The following NDST3 variants were observed in gnomAD, a reference collection of about 807,000 sequenced individuals.
The protein encoded by NDST3 is N-deacetylase and N-sulfotransferase 3, also known as bifunctional heparan sulfate N-deacetylase/N-sulfotransferase 3.
NDST3 carries 58 observed loss-of-function variants against 96.1 expected under a neutral mutation model. The observed-to-expected ratio is 0.60, with a 90% CI of 0.49 to 0.75. The LOEUF (loss-of-function observed/expected upper bound fraction) is 0.75, where lower values mean the gene tolerates loss of function less well. Ranked by LOEUF, NDST3 falls within the 30% of genes least tolerant of loss-of-function variation. The probability of loss-of-function intolerance (pLI) is 0.00; values close to 1 mark genes in which losing one functional copy is unlikely to be tolerated. For missense variants in NDST3, 788 were observed against 1,034.2 expected (o/e 0.76, Z 3.27); for synonymous variants, 333 against 359.7 (o/e 0.93, Z 0.84).
At chr4:118,126,202 T>C (rs1472726499) in intron 4 of NDST3, among the ~76,000 whole-genome samples, 2 of 152,040 alleles carry the variant, frequency 1.3e-5, no homozygotes, top group Non-Finnish European at 2.9e-5. Flanking sequence ...TATCAAATAG[T>C]ACATATTATT....
intron 2 of NDST3, among the ~76,000 whole-genome samples, chr4:118,068,548 AC>A (rs1726785678): frequency 6.6e-6 from 1 of 152,082 alleles, no homozygotes; most frequent in Admixed American, 6.6e-5. Context: ...AAGAAACATC[AC>A]TTTAAATGTT....
At chr4:118,071,264 A>G (rs1322138112) in intron 2 of NDST3, among the ~76,000 whole-genome samples, 5 of 151,986 alleles carry the variant, frequency 3.3e-5, no homozygotes, top group African/African-American at 7.2e-5. Flanking sequence ...ATATTTTCTT[A>G]TAACTTTTAT....
intron 6 of NDST3, among the ~76,000 whole-genome samples, chr4:118,193,232 C>T (rs541776421): frequency 6.6e-6 from 1 of 152,302 alleles, no homozygotes; most frequent in African/African-American, 2.4e-5. Flanking sequence ...AATGATTCCC[C>T]ACCTCAATCT....
At chr4:118,078,869 T>C (rs896647055) in intron 2 of NDST3, among the ~76,000 whole-genome samples, 4 of 152,170 alleles carry the variant, frequency 2.6e-5, no homozygotes, top group Non-Finnish European at 5.9e-5. Flanking sequence ...AGAATCACAC[T>C]TACTTCATAG....
chr4:118,096,778 T>G (rs998303076), intron 2 of NDST3, among the ~76,000 whole-genome samples: 3 of 151,862 alleles, frequency 2.0e-5, no homozygotes, highest in African/African-American at 7.2e-5. Context: ...TCTCAAGATA[T>G]GCAGGCAGCA....
chr4:118,102,390 C>G (rs756269654), intron 2 of NDST3, among the ~76,000 whole-genome samples: 3 of 152,034 alleles, frequency 2.0e-5, no homozygotes, highest in Non-Finnish European at 2.9e-5. Context: ...AGTACTCTAT[C>G]AGATGGGTTT....
chr4:118,044,690 A>T (rs1246489345), intron 1 of NDST3, among the ~76,000 whole-genome samples: 1 of 152,262 alleles, frequency 6.6e-6, no homozygotes, highest in Admixed American at 6.5e-5. Flanking sequence ...ATTTATAAAC[A>T]TTAACAATTT....
At position 118,230,391 on chromosome 4, in the gene NDST3, C is replaced by A. The variant is rs1391979284; in HGVS notation, c.1820-2621C>A. ...GAGATCGAGACCATCCTGGCTAACA[C>A]GGTGAAATCCCGTCTCCACTAAAAA... On this transcript the variant is annotated intron_variant, in intron 8 of 13. Transcript: ENST00000296499. Among the ~76,000 whole-genome samples the A allele has an allele frequency of 8.6e-5, 13 of 151,880 alleles. 1 individual carries two copies. Among genetic ancestry groups the A allele is most frequent in the Admixed American group, 8.5e-4 (13 of 15,248 alleles).
At chr4:118,064,645 G>T (rs918999828) in intron 2 of NDST3, among the ~76,000 whole-genome samples, 3 of 151,942 alleles carry the variant, frequency 2.0e-5, no homozygotes, top group African/African-American at 7.3e-5. Context: ...GATTATACAG[G>T]ATTATTAATA....
intron 12 of NDST3, among the ~76,000 whole-genome samples, chr4:118,244,248 C>A (rs187807579): frequency 1.1e-3 from 163 of 152,206 alleles, no homozygotes; most frequent in Non-Finnish European, 1.9e-3. Context: ...CACCCTATGC[C>A]CTTTGTAGTT....
At chr4:118,168,033 T>C (rs1057010036) in intron 6 of NDST3, among the ~76,000 whole-genome samples, 1 of 151,500 alleles carries the variant, frequency 6.6e-6, no homozygotes, top group Admixed American at 6.6e-5. Flanking sequence ...CAAAAGCACA[T>C]GCCACAAAAG....
chr4:118,252,404 T>A (rs542985014), intron 12 of NDST3, among the ~76,000 whole-genome samples: 2 of 152,182 alleles, frequency 1.3e-5, no homozygotes, highest in African/African-American at 4.8e-5. Context: ...CATTTTGTGT[T>A]CAACTAATAC....
chr4:118,211,717 T>C (rs763521698), intron 6 of NDST3, among the ~76,000 whole-genome samples: 8 of 152,178 alleles, frequency 5.3e-5, no homozygotes, highest in Admixed American at 6.5e-5. Context: ...TGAACCATGG[T>C]TTCTTATAAT....
intron 2 of NDST3, among the ~76,000 whole-genome samples, chr4:118,069,797 G>A (rs1726898889): frequency 1.0e-5 from 1 of 96,594 alleles, no homozygotes; most frequent in African/African-American, 2.8e-5. Context: ...TTTTCCATTG[G>A]AGTGTTTGTT....
chr4:118,153,993 T>C (rs1354661379), intron 6 of NDST3, among the ~76,000 whole-genome samples: 1 of 152,120 alleles, frequency 6.6e-6, no homozygotes, highest in Non-Finnish European at 1.5e-5. Flanking sequence ...TGATTTCCAT[T>C]ATCTTCCTCT....
chr4:118,191,806 T>C (rs535409264), intron 6 of NDST3, among the ~76,000 whole-genome samples: 2 of 152,228 alleles, frequency 1.3e-5, no homozygotes, highest in East Asian at 1.9e-4. Context: ...AGTTTGATAG[T>C]AGGATTGCTG....
At chr4:118,128,980 G>A (rs1439078727) in intron 4 of NDST3, among the ~76,000 whole-genome samples, 1 of 151,966 alleles carries the variant, frequency 6.6e-6, no homozygotes, top group Non-Finnish European at 1.5e-5. Flanking sequence ...GCATATAGTT[G>A]CTGATAGTAG....
chr4:118,200,350 G>A lies in NDST3; in HGVS notation c.1540-24141G>A, dbSNP rs144125223. On this transcript the variant is annotated intron_variant, in intron 6 of 13. Transcript: ENST00000296499. ...CACGGCCACCTCAGGCCCACAGGGA[G>A]TACTGCCAGACTACCACCATGTTCC... Among the ~76,000 whole-genome samples, 501 of 152,326 alleles carry A rather than the reference G, an allele frequency of 3.3e-3. 2 individuals carry two copies. The highest frequency in any genetic ancestry group is 0.011 in the African/African-American group (474 of 41,588).
At position 118,114,850 on chromosome 4, in the gene NDST3, G is replaced by A; in HGVS notation, c.1114G>A (p.Val372Met). 2 of 1,614,122 alleles carry A rather than the reference G, an allele frequency of 1.2e-6. No homozygotes were observed. The highest frequency in any genetic ancestry group is 2.2e-5 in the South Asian group (2 of 91,084). Reference sequence around the variant, plus strand: ...AGGAGATGACTGTCTGTTGGGGTCTGTGGATGAGTTCTGGTGGTTTCCTCA... The same window carrying A: ...AGGAGATGACTGTCTGTTGGGGTCTATGGATGAGTTCTGGTGGTTTCCTCA... ...DEGDDCLLGS[V>M]DEFWWFPHMW... The change falls in exon 4 of 14, where the codon GTG (valine) becomes ATG (methionine). Residue 372 changes from valine (V) to methionine (M), a missense_variant. This residue lies in a region of NDST3 where 490 missense variants were observed against 708.8 expected (regional missense o/e 0.69). Coordinates refer to ENST00000296499, the MANE Select transcript of NDST3 (RefSeq NM_004784.3).
Sources: gnomAD v4.1 joint callset for allele counts (sites outside exome capture counted in the v4.1 genomes callset) on GRCh38, gnomAD v4.1.1 for gene constraint, gnomAD v4.1.1 regional missense constraint, MANE v1.5 for transcripts, NCBI Gene and HGNC (gene_info 2026-07-23, HGNC 2026-07-21) for gene names.